Variants in AGBL4 observed in about 807,000 individuals in gnomAD.
The protein encoded by AGBL4 is AGBL carboxypeptidase 4.
In AGBL4, 58 loss-of-function variants were observed where a neutral mutation model predicts 66.4. The ratio of observed to expected loss-of-function variants is 0.87; its 90% CI spans 0.71 to 1.09. The LOEUF (loss-of-function observed/expected upper bound fraction) is 1.09, where lower values mean the gene tolerates loss of function less well. Among genes scored for constraint, AGBL4 ranks in the 50% least tolerant of loss-of-function variants. The pLI, the probability that AGBL4 is intolerant of heterozygous loss-of-function variation, is 0.00. For missense variants in AGBL4, 579 were observed against 631.0 expected, an observed-to-expected ratio of 0.92 and a Z score of 0.88; for synonymous variants, 234 against 222.9, an observed-to-expected ratio of 1.05 and a Z score of -0.44.
At chr1:49,943,661 G>A (rs1461007028) in intron 1 of AGBL4, among the ~76,000 whole-genome samples, 1 of 151,456 alleles carries the variant, frequency 6.6e-6, no homozygotes, top group Non-Finnish European at 1.5e-5. Flanking sequence ...AGCCATTTCT[G>A]CCTTGCCTCA....
chr1:49,928,414 C>A (rs977860078), intron 1 of AGBL4, among the ~76,000 whole-genome samples: 1 of 151,954 alleles, frequency 6.6e-6, no homozygotes, highest in African/African-American at 2.4e-5. Flanking sequence ...CTGTGCCCAG[C>A]TAGTTTTTGT....
At position 48,808,057 on chromosome 1, in the gene AGBL4, A is replaced by G. The variant is rs1481571175; in HGVS notation, c.634+59134T>C. Among the ~76,000 whole-genome samples, 3 of 152,136 alleles carry G rather than the reference A, an allele frequency of 2.0e-5. No homozygotes were observed. The East Asian group carries it at 5.8e-4, about 29-fold the overall frequency. On this transcript the variant is annotated intron_variant, in intron 6 of 13. Coordinates refer to ENST00000371839, the MANE Select transcript of AGBL4 (RefSeq NM_032785.4). ...AGCCCATAACCCTATTTGTAGAGGG[A>G]CTGCTTTGTGCCAAGCAGTATAAGT...
chr1:49,498,741 C>T (rs1031171330), intron 3 of AGBL4, among the ~76,000 whole-genome samples: 1 of 151,818 alleles, frequency 6.6e-6, no homozygotes, highest in Non-Finnish European at 1.5e-5. Flanking sequence ...GAAGTACATT[C>T]CTCTTATACC....
intron 3 of AGBL4, among the ~76,000 whole-genome samples, chr1:49,675,550 C>T (rs1646562520): frequency 6.6e-6 from 1 of 151,854 alleles, no homozygotes; most frequent in Non-Finnish European, 1.5e-5. Context: ...CCCCTTGAAT[C>T]CATAAAAATA....
intron 2 of AGBL4, among the ~76,000 whole-genome samples, chr1:49,743,660 C>G (rs1650739993): frequency 2.6e-5 from 4 of 151,968 alleles, no homozygotes; most frequent in Admixed American, 2.6e-4. Flanking sequence ...ACCCAAATGT[C>G]CAACAATGAT....
chr1:49,218,474 A>T (rs1296537440), intron 4 of AGBL4, among the ~76,000 whole-genome samples: 2 of 152,128 alleles, frequency 1.3e-5, no homozygotes, highest in Non-Finnish European at 2.9e-5. Flanking sequence ...CAGAAAATGG[A>T]ATCTCAGAGA....
intron 3 of AGBL4, among the ~76,000 whole-genome samples, chr1:49,256,318 A>G (rs1323631212): frequency 3.3e-5 from 5 of 152,282 alleles, no homozygotes; most frequent in African/African-American, 1.2e-4. Context: ...ATCAATTAAA[A>G]AATTATATAA....
intron 1 of AGBL4, among the ~76,000 whole-genome samples, chr1:49,992,654 C>G (rs1190255221): frequency 6.6e-6 from 1 of 152,100 alleles, no homozygotes; most frequent in East Asian, 1.9e-4. Flanking sequence ...TCCCTATGAT[C>G]CTTCATAATT....
Position 48,657,785 on chromosome 1 carries a change from C to G in AGBL4, c.725-4334G>C, listed in dbSNP as rs1281742103. On this transcript the variant is annotated intron_variant, in intron 7 of 13. Coordinates refer to ENST00000371839, the MANE Select transcript of AGBL4 (RefSeq NM_032785.4). ...CATAAATGAGATTAAGTTTCTGGCC[C>G]CTGGCAGGATGGGGCCTCAAAATAG... Among the ~76,000 whole-genome samples the G allele has an allele frequency of 7.9e-5, 12 of 152,258 alleles. No individual in the cohort carries two copies. In the South Asian group the frequency reaches 1.7e-3, roughly 21 times the overall value.
At chr1:49,916,662 A>C (rs190838506) in intron 1 of AGBL4, among the ~76,000 whole-genome samples, 1 of 152,378 alleles carries the variant, frequency 6.6e-6, no homozygotes, top group East Asian at 1.9e-4. Flanking sequence ...AACACTCTGC[A>C]GGATATTATC....
At chr1:49,448,646 A>G (rs1252103318) in intron 3 of AGBL4, among the ~76,000 whole-genome samples, 2 of 152,192 alleles carry the variant, frequency 1.3e-5, no homozygotes, top group South Asian at 2.1e-4. Flanking sequence ...CAAGGCACCA[A>G]TCCACAAAGG....
chr1:49,599,905 C>A (rs192948301), intron 3 of AGBL4, among the ~76,000 whole-genome samples: 2 of 152,096 alleles, frequency 1.3e-5, no homozygotes, highest in Non-Finnish European at 2.9e-5. Flanking sequence ...TCAGTTTCCA[C>A]GTAGCTGTGC....
intron 6 of AGBL4, chr1:48,776,799 G>A (rs1645115317): frequency 6.6e-7 from 1 of 1,524,288 alleles, no homozygotes; most frequent in African/African-American, 1.4e-5. Context: ...CGTAGCAGAC[G>A]TTGTCCTCCA....
chr1:49,611,218 A>T (rs1219976853), intron 3 of AGBL4, among the ~76,000 whole-genome samples: 1 of 152,178 alleles, frequency 6.6e-6, no homozygotes, highest in Non-Finnish European at 1.5e-5. Flanking sequence ...ACTGTAAGCC[A>T]GAATATAAGA....
chr1:49,234,490 G>T (rs947620098), intron 4 of AGBL4, among the ~76,000 whole-genome samples: 3 of 152,182 alleles, frequency 2.0e-5, no homozygotes, highest in African/African-American at 7.2e-5. Context: ...GCAGTTTGAG[G>T]TATATAAAAG....
At chr1:49,342,659 A>G (rs555309448) in intron 3 of AGBL4, among the ~76,000 whole-genome samples, 21 of 152,310 alleles carry the variant, frequency 1.4e-4, no homozygotes, top group African/African-American at 5.1e-4. Flanking sequence ...TTCTGTGGCT[A>G]AGGCTTTGTC....
intron 5 of AGBL4, among the ~76,000 whole-genome samples, chr1:48,921,873 C>T (rs1233490910): frequency 6.6e-6 from 1 of 152,188 alleles, no homozygotes; most frequent in African/African-American, 2.4e-5. Context: ...CTTGCAGAGA[C>T]TCAGTTTCCT....
intron 1 of AGBL4, among the ~76,000 whole-genome samples, chr1:50,011,584 A>G (rs1010311191): frequency 1.3e-5 from 2 of 152,340 alleles, no homozygotes; most frequent in African/African-American, 2.4e-5. Context: ...CTGCACTCCA[A>G]TGTTTGTTGC....
At chr1:49,999,291 G>T (rs558072306) in intron 1 of AGBL4, among the ~76,000 whole-genome samples, 1 of 150,752 alleles carries the variant, frequency 6.6e-6, no homozygotes, top group African/African-American at 2.4e-5. Context: ...CAGCAAGCAG[G>T]CTGAAAATCC....
Sources: gnomAD v4.1 joint callset for allele counts (sites outside exome capture counted in the v4.1 genomes callset) on GRCh38, gnomAD v4.1.1 for gene constraint, MANE v1.5 for transcripts, NCBI Gene and HGNC (gene_info 2026-07-23, HGNC 2026-07-21) for gene names.